FRMPD2: variants seen among roughly 807,000 people sequenced by gnomAD.
FRMPD2 encodes the protein FERM and PDZ domain containing 2, also known as FERM and PDZ domain-containing protein 2.
Under a neutral mutation model 140.1 loss-of-function variants are expected in FRMPD2, and 96 were observed. That is an observed-to-expected ratio of 0.69 (90% confidence interval 0.58 to 0.81). The LOEUF is 0.81. Ranked by LOEUF, FRMPD2 falls within the 40% of genes least tolerant of loss-of-function variation. The probability of loss-of-function intolerance (pLI) is 0.00; values close to 1 mark genes in which losing one functional copy is unlikely to be tolerated. For synonymous variants in FRMPD2, 449 were observed against 547.6 expected (o/e 0.82, Z 2.52); for missense variants, 1,240 against 1,447.4 (o/e 0.86, Z 2.32).
At chr10:48,223,101 T>C in intron 11 of FRMPD2, 22 bp downstream of exon 11, 1 of 1,596,814 alleles carries the variant, frequency 6.3e-7, no homozygotes, top group Non-Finnish European at 8.6e-7. Context: ...AAGGAACAAA[T>C]GAACAGGTTT....
At chr10:48,228,770 T>C (rs1478852356) in intron 10 of FRMPD2, among the ~76,000 whole-genome samples, 4 of 152,038 alleles carry the variant, frequency 2.6e-5, no homozygotes, top group Non-Finnish European at 5.9e-5. Flanking sequence ...AAAAGGAAGA[T>C]ATGAGAATGT....
At chr10:48,199,069 A>T (rs1234850718) in intron 15 of FRMPD2, among the ~76,000 whole-genome samples, 1 of 152,224 alleles carries the variant, frequency 6.6e-6, no homozygotes, top group Non-Finnish European at 1.5e-5. Flanking sequence ...TATGGGAACA[A>T]TAGACACTGT....
At chr10:48,207,057 T>C (rs1349613952) in intron 13 of FRMPD2, 124 bp from the exon 14 acceptor site, 5 of 857,696 alleles carry the variant, frequency 5.8e-6, no homozygotes, top group Non-Finnish European at 6.8e-6. Flanking sequence ...AGAATTGTCA[T>C]GTAAGTTTAG....
At chr10:48,198,471 T>C (rs1839003180) in intron 15 of FRMPD2, among the ~76,000 whole-genome samples, 1 of 152,180 alleles carries the variant, frequency 6.6e-6, no homozygotes, top group Non-Finnish European at 1.5e-5. Context: ...TGTGAACAAA[T>C]GTGAACCTGA....
chr10:48,211,395 T>C (rs1214939069), intron 13 of FRMPD2, among the ~76,000 whole-genome samples: 1 of 152,226 alleles, frequency 6.6e-6, no homozygotes, highest in Non-Finnish European at 1.5e-5. Flanking sequence ...ATGGCTTTTC[T>C]CTGGCTCAAG....
chr10:48,264,422 A>G (rs11101275), intron 1 of FRMPD2, among the ~76,000 whole-genome samples: 1 of 152,322 alleles, frequency 6.6e-6, no homozygotes, highest in East Asian at 1.9e-4. Flanking sequence ...AAGTGATTAT[A>G]GAAACATTGC....
intron 1 of FRMPD2, among the ~76,000 whole-genome samples, chr10:48,269,881 G>A (rs766050883): frequency 6.6e-6 from 1 of 152,136 alleles, no homozygotes; most frequent in Non-Finnish European, 1.5e-5. Context: ...CACTCCGAGT[G>A]GTTTCAGGGA....
At chr10:48,257,745 G>C (rs1840515579) in intron 1 of FRMPD2, among the ~76,000 whole-genome samples, 1 of 152,284 alleles carries the variant, frequency 6.6e-6, no homozygotes, top group African/African-American at 2.4e-5. Flanking sequence ...CTGAGCCTCA[G>C]TCTTATCATC....
At chr10:48,264,540 AC>A (rs1840648966) in intron 1 of FRMPD2, among the ~76,000 whole-genome samples, 1 of 152,110 alleles carries the variant, frequency 6.6e-6, no homozygotes, top group African/African-American at 2.4e-5. Context: ...TTATATTAAC[AC>A]CAAAAAATTT....
chr10:48,222,426 A>G lies in FRMPD2; in HGVS notation c.1342T>C (p.Tyr448His). The G allele has an allele frequency of 6.2e-7, 1 of 1,614,152 alleles. No individual in the cohort carries two copies. Among genetic ancestry groups the G allele is most frequent in the East Asian group, 2.2e-5 (1 of 44,876 alleles). ...AGGATATCTTTCCGAAGCTGCAGGT[A>G]AAACTGGTGCCTTGTCAGGCTGTGC... is the stretch of plus-strand genomic sequence containing the variant. ...LQHSLTRHQFYLQLRKDILEE... is the reference protein window; with the variant it reads ...LQHSLTRHQFHLQLRKDILEE... The change falls in exon 12 of 29, where the codon TAC (tyrosine) becomes CAC (histidine). Residue 448 changes from tyrosine (Y) to histidine (H), a missense_variant. By Grantham distance (83) the Tyr-to-His change is moderately conservative. Transcript: ENST00000374201.
intron 8 of FRMPD2, 77 bp from the exon 9 acceptor site, chr10:48,236,630 C>A (rs1350612576): frequency 7.7e-7 from 1 of 1,291,244 alleles, no homozygotes; most frequent in Non-Finnish European, 1.1e-6. Context: ...CCATGATGCA[C>A]CTCTGCAGCC....
chr10:48,201,452 A>C (rs562655299), intron 14 of FRMPD2, 68 bp from the exon 15 acceptor site: 1 of 1,484,438 alleles, frequency 6.7e-7, no homozygotes, highest in East Asian at 2.3e-5. Flanking sequence ...CACAACTGCA[A>C]GAAAATGCTC....
chr10:48,198,168 T>C (rs1200240196), intron 15 of FRMPD2, among the ~76,000 whole-genome samples: 1 of 152,228 alleles, frequency 6.6e-6, no homozygotes, highest in African/African-American at 2.4e-5. Flanking sequence ...TACACATTCA[T>C]TGTTGTAAGT....
At chr10:48,160,201 T>C (rs1424369207) in intron 28 of FRMPD2, among the ~76,000 whole-genome samples, 1 of 151,634 alleles carries the variant, frequency 6.6e-6, no homozygotes, top group Non-Finnish European at 1.5e-5. Flanking sequence ...AAATGTACTG[T>C]ACTGCTTTAT....
chr10:48,209,873 C>A (rs1323567882), intron 13 of FRMPD2, among the ~76,000 whole-genome samples: 1 of 151,978 alleles, frequency 6.6e-6, no homozygotes, highest in African/African-American at 2.4e-5. Flanking sequence ...ATATGTTAAA[C>A]AATAGAGCAT....
At chr10:48,214,333 T>C (rs954705137) in intron 12 of FRMPD2, among the ~76,000 whole-genome samples, 5 of 152,184 alleles carry the variant, frequency 3.3e-5, no homozygotes, top group African/African-American at 1.2e-4. Flanking sequence ...ACTTCAACAA[T>C]AGCATAATGG....
chr10:48,219,370 G>A (rs553419142), intron 12 of FRMPD2, among the ~76,000 whole-genome samples: 1 of 152,028 alleles, frequency 6.6e-6, no homozygotes, highest in Non-Finnish European at 1.5e-5. Context: ...CCAAGGTAAA[G>A]CCCAGCATGC....
intron 22 of FRMPD2, chr10:48,177,561 C>G (rs1474896540): frequency 6.2e-6 from 1 of 162,226 alleles, no homozygotes; most frequent in African/African-American, 2.4e-5. Flanking sequence ...GTCTACCAGG[C>G]AGAGCTCAGA....
At chr10:48,255,916 G>A (rs1336176909) in intron 1 of FRMPD2, among the ~76,000 whole-genome samples, 1 of 152,236 alleles carries the variant, frequency 6.6e-6, no homozygotes, top group African/African-American at 2.4e-5. Flanking sequence ...GGTGGGAGGT[G>A]GAGTTGGAGA....
Sources: gnomAD v4.1 joint callset for allele counts (sites outside exome capture counted in the v4.1 genomes callset) on GRCh38, gnomAD v4.1.1 for gene constraint, MANE v1.5 for transcripts, NCBI Gene and HGNC (gene_info 2026-07-23, HGNC 2026-07-21) for gene names.